The following CNTNAP2 variants were observed in gnomAD, a reference collection of about 807,000 sequenced individuals.
CNTNAP2 encodes the protein contactin associated protein 2, also known as contactin-associated protein-like 2.
In CNTNAP2, 98 loss-of-function variants were observed where a neutral mutation model predicts 155.2. The ratio of observed to expected loss-of-function variants is 0.63; its 90% CI spans 0.54 to 0.75. The LOEUF is 0.75. Among genes scored for constraint, CNTNAP2 ranks in the 30% least tolerant of loss-of-function variants. The pLI, the probability that CNTNAP2 is intolerant of heterozygous loss-of-function variation, is 0.00. For synonymous variants in CNTNAP2, 651 were observed against 631.2 expected, an observed-to-expected ratio of 1.03 and a Z score of -0.47; for missense variants, 1,727 against 1,688.1, an observed-to-expected ratio of 1.02 and a Z score of -0.40.
intron 3 of CNTNAP2, among the ~76,000 whole-genome samples, chr7:146,876,196 C>T (rs779772163): frequency 2.6e-5 from 4 of 152,030 alleles, no homozygotes; most frequent in East Asian, 2.0e-4. Context: ...TTCATGGGAT[C>T]GTCACCAAAT....
chr7:146,705,167 T>A (rs1800941800), intron 1 of CNTNAP2, among the ~76,000 whole-genome samples: 2 of 152,136 alleles, frequency 1.3e-5, no homozygotes, highest in South Asian at 4.1e-4. Flanking sequence ...TAGGATGAGA[T>A]GTTGACCAGT....
intron 14 of CNTNAP2, among the ~76,000 whole-genome samples, chr7:147,925,364 G>A (rs1800379020): frequency 6.6e-6 from 1 of 151,270 alleles, no homozygotes; most frequent in Admixed American, 6.6e-5. Flanking sequence ...ACACAGGGTA[G>A]TATATTTGTT....
Position 147,575,511 on chromosome 7 carries a change from C to CTGTGTGTGTG in CNTNAP2, c.1897+13270_1897+13279dup, listed in dbSNP as rs377290787. Among the ~76,000 whole-genome samples the CTGTGTGTGTG allele has an allele frequency of 6.5e-4, 86 of 132,672 alleles. 3 individuals are homozygous for CTGTGTGTGTG. The South Asian group carries it at 7.8e-3, about 12-fold the overall frequency. 87.0% of individuals were successfully genotyped at this position (132,672 alleles called of 152,430 possible). On this transcript the variant is annotated intron_variant, in intron 12 of 23. Transcript: ENST00000361727. ...ATTCCCTAGCTTTAGGGGTATACAA[C>CTGTGTGTGTG]TGTGTGTGTGTGTGTGTGTGTGTGT...
chr7:148,069,497 T>C (rs1803337535), intron 15 of CNTNAP2, among the ~76,000 whole-genome samples: 1 of 152,038 alleles, frequency 6.6e-6, no homozygotes, highest in Non-Finnish European at 1.5e-5. Flanking sequence ...GCACGGTGGC[T>C]CACACCTGTA....
At chr7:146,458,341 T>A (rs1420320477) in intron 1 of CNTNAP2, among the ~76,000 whole-genome samples, 1 of 152,196 alleles carries the variant, frequency 6.6e-6, no homozygotes, top group Non-Finnish European at 1.5e-5. Flanking sequence ...GAGATGCATG[T>A]TAGATTATTG....
At chr7:146,653,757 T>C (rs1459517961) in intron 1 of CNTNAP2, among the ~76,000 whole-genome samples, 2 of 152,094 alleles carry the variant, frequency 1.3e-5, no homozygotes, top group African/African-American at 4.8e-5. Flanking sequence ...TATAGAAACA[T>C]GGGTGGGGCA....
chr7:147,754,717 A>G (rs531042580), intron 13 of CNTNAP2, among the ~76,000 whole-genome samples: 20 of 152,186 alleles, frequency 1.3e-4, no homozygotes, highest in Non-Finnish European at 2.6e-4. Flanking sequence ...TTTAATTCAT[A>G]TTGAAGAATT....
At position 148,141,033 on chromosome 7, in the gene CNTNAP2, C is replaced by A. The variant is rs75968006; in HGVS notation, c.2555-6458C>A. On this transcript the variant is annotated intron_variant, in intron 16 of 23. Transcript: ENST00000361727. The stretch of plus-strand genomic sequence containing the variant: ...TAAAGTAAGATTCCAGGACCACTTG[C>A]GTCAGAATCACCTGGCATTAACAAA... Among the ~76,000 whole-genome samples the A allele has an allele frequency of 2.8e-3, 422 of 152,286 alleles. 2 individuals carry two copies. The highest frequency in any genetic ancestry group is 9.4e-3 in the African/African-American group (390 of 41,544).
intron 1 of CNTNAP2, among the ~76,000 whole-genome samples, chr7:146,703,019 C>A (rs1800902841): frequency 6.6e-6 from 1 of 152,048 alleles, no homozygotes; most frequent in Admixed American, 6.6e-5. Context: ...TCCTTAAAAA[C>A]AAATATTTTT....
chr7:146,326,382 C>T (rs1801098267), intron 1 of CNTNAP2, among the ~76,000 whole-genome samples: 1 of 152,188 alleles, frequency 6.6e-6, no homozygotes, highest in South Asian at 2.1e-4. Flanking sequence ...GCTAGCCTTG[C>T]ATATCTCTTT....
intron 14 of CNTNAP2, among the ~76,000 whole-genome samples, chr7:147,919,146 G>A (rs991165151): frequency 1.3e-5 from 2 of 152,090 alleles, no homozygotes; most frequent in Non-Finnish European, 2.9e-5. Context: ...GCATCCTATA[G>A]AGGCTGAAAG....
intron 1 of CNTNAP2, among the ~76,000 whole-genome samples, chr7:146,741,855 G>A (rs778527135): frequency 4.6e-5 from 7 of 152,114 alleles, no homozygotes; most frequent in African/African-American, 7.2e-5. Flanking sequence ...AATGGAGAGG[G>A]TACCGAAGGA....
At chr7:146,475,108 T>C (rs1796859135) in intron 1 of CNTNAP2, among the ~76,000 whole-genome samples, 1 of 152,226 alleles carries the variant, frequency 6.6e-6, no homozygotes, top group South Asian at 2.1e-4. Context: ...AATTTATTTT[T>C]CTGCAGACTG....
At chr7:147,550,042 A>G (rs1457189953) in intron 11 of CNTNAP2, among the ~76,000 whole-genome samples, 1 of 152,222 alleles carries the variant, frequency 6.6e-6, no homozygotes, top group Non-Finnish European at 1.5e-5. Flanking sequence ...AAGTTGCACT[A>G]TATAATGAGA....
In CNTNAP2 at chr7:147,279,001, A is replaced by G. The variant is rs1584841112; in HGVS notation, c.1349-21140A>G. ...GAGCATTATACATAGCTTGCTAGACATAGCCAAAAATACATACTTGAAATC... is the reference window on the plus strand; with the variant it reads ...GAGCATTATACATAGCTTGCTAGACGTAGCCAAAAATACATACTTGAAATC... On this transcript the variant is annotated intron_variant, in intron 8 of 23. Transcript: ENST00000361727. Among the ~76,000 whole-genome samples, 9 of 151,608 alleles carry G rather than the reference A, an allele frequency of 5.9e-5. No individual in the cohort carries two copies. In the South Asian group the frequency reaches 1.9e-3, roughly 31 times the overall value.
chr7:146,286,784 T>G lies in CNTNAP2; in HGVS notation c.97+169811T>G, dbSNP rs1393171171. Among the ~76,000 whole-genome samples the G allele has an allele frequency of 2.0e-5, 3 of 152,144 alleles. No individual in the cohort carries two copies. The East Asian group carries it at 5.8e-4, about 29-fold the overall frequency. On this transcript the variant is annotated intron_variant, in intron 1 of 23. Transcript: ENST00000361727. The stretch of plus-strand genomic sequence containing the variant: ...GTCCTTCAGTCTTGACTTGACCCAG[T>G]GCATTTCTTTAAATCTATATGTAAT...
intron 20 of CNTNAP2, among the ~76,000 whole-genome samples, chr7:148,251,619 A>C (rs1295383396): frequency 6.6e-6 from 1 of 152,168 alleles, no homozygotes; most frequent in Non-Finnish European, 1.5e-5. Context: ...GGGAGAAGGA[A>C]AACATAAAAA....
chr7:148,001,782 T>C (rs1407414932), intron 15 of CNTNAP2, among the ~76,000 whole-genome samples: 2 of 152,202 alleles, frequency 1.3e-5, no homozygotes, highest in African/African-American at 2.4e-5. Flanking sequence ...TTGGAGCATA[T>C]AAAAGAGTTA....
At chr7:146,398,996 T>C (rs1313852442) in intron 1 of CNTNAP2, among the ~76,000 whole-genome samples, 1 of 151,372 alleles carries the variant, frequency 6.6e-6, no homozygotes, top group Non-Finnish European at 1.5e-5. Context: ...AATATAAATG[T>C]TTTTACTCAT....
Sources: gnomAD v4.1 joint callset for allele counts (sites outside exome capture counted in the v4.1 genomes callset) on GRCh38, gnomAD v4.1.1 for gene constraint, MANE v1.5 for transcripts, NCBI Gene and HGNC (gene_info 2026-07-23, HGNC 2026-07-21) for gene names.